Variants in CABP1 observed in about 807,000 individuals in gnomAD.
CABP1 encodes the protein calcium-binding protein 1.
CABP1 carries 17 observed loss-of-function variants against 34.3 expected under a neutral mutation model. The ratio of observed to expected loss-of-function variants is 0.50; its 90% CI spans 0.34 to 0.74. The LOEUF (loss-of-function observed/expected upper bound fraction) is 0.74, where lower values mean the gene tolerates loss of function less well. Among genes scored for constraint, CABP1 ranks in the 30% least tolerant of loss-of-function variants. CABP1 has a pLI of 0.01. For synonymous variants in CABP1, 198 were observed against 229.2 expected (o/e 0.86, Z 1.23); for missense variants, 373 against 511.1 (o/e 0.73, Z 2.61).
At chr12:120,672,922 C>T in the CABP1 span, among the ~76,000 whole-genome samples, 18 of 152,042 alleles carry the variant, frequency 1.2e-4, no homozygotes, top group Non-Finnish European at 1.5e-5. Context: ...CTCAGCTACT[C>T]AGGAGGCTGA....
At chr12:120,674,564 A>G in the CABP1 span, among the ~76,000 whole-genome samples, 1 of 152,130 alleles carries the variant, frequency 6.6e-6, no homozygotes, top group African/African-American at 2.4e-5. Flanking sequence ...TCTGAGTATC[A>G]TGATTGAGGG....
At chr12:120,646,106 G>C (rs772330048) in intron 1 of CABP1, among the ~76,000 whole-genome samples, 7 of 152,200 alleles carry the variant, frequency 4.6e-5, no homozygotes, top group East Asian at 1.9e-4. Flanking sequence ...TGGTCTGCCT[G>C]CCTCCGAAAA....
chr12:120,667,440 G>GT (rs1881077525), downstream of CABP1: 1 of 159,160 alleles, frequency 6.3e-6, no homozygotes, highest in Non-Finnish European at 1.4e-5. Context: ...TTTTTTGTTT[G>GT]TTTATTTATT....
Position 120,661,441 on chromosome 12 carries a change from TTTCCA to T in CABP1, c.1087+227_1087+231del. 1.9e-6 allele frequency: 1 copy of T among 521,592 alleles called. No homozygotes were observed. 32.3% of individuals were successfully genotyped at this position (521,592 alleles called of 1,614,324 possible). A position where few individuals can be genotyped will look rare whatever the true frequency, so the allele number is the denominator to read the frequency against. On this transcript the variant is annotated intron_variant, in intron 5 of 5. Coordinates refer to ENST00000316803, the MANE Select transcript of CABP1 (RefSeq NM_001033677.2). The surrounding 1 kb of genome is among the most constrained non-coding windows in gnomAD (Gnocchi z 5.1). ...TCCATCCATCTATCCATCCTCTACCTTTCCATTCATCTGTCCATTTATCCATCCAT... is the reference window on the plus strand; with the variant it reads ...TCCATCCATCTATCCATCCTCTACCTTTCATCTGTCCATTTATCCATCCAT...
At chr12:120,645,161 T>C (rs1244877657) in intron 1 of CABP1, among the ~76,000 whole-genome samples, 1 of 152,152 alleles carries the variant, frequency 6.6e-6, no homozygotes, top group African/African-American at 2.4e-5. Context: ...ATGGATTTAA[T>C]TGCACTAAGC....
At chr12:120,655,626 G>A (rs1880131443) in intron 1 of CABP1, 1 of 1,391,728 alleles carries the variant, frequency 7.2e-7, no homozygotes, top group African/African-American at 1.4e-5. Context: ...AGTAGGACAA[G>A]TCTGTTTGGG....
At chr12:120,655,520 G>C in intron 1 of CABP1, 1 of 1,160,704 alleles carries the variant, frequency 8.6e-7, no homozygotes, top group Non-Finnish European at 1.1e-6. Flanking sequence ...AATGGCACCT[G>C]CATGTGCAAC....
chr12:120,654,971 G>A (rs1880084142), intron 1 of CABP1, among the ~76,000 whole-genome samples: 1 of 152,234 alleles, frequency 6.6e-6, no homozygotes, highest in Non-Finnish European at 1.5e-5. Flanking sequence ...GAAGGCGGGA[G>A]GGAGGAAAAG....
downstream of CABP1, chr12:120,667,353 G>T (rs751834959): frequency 2.6e-4 from 50 of 195,590 alleles, no homozygotes; most frequent in Non-Finnish European, 4.8e-4. Context: ...TCCTCCTTGG[G>T]CCTGGTTAGA....
intron 1 of CABP1, chr12:120,659,136 C>T (rs1323251614): frequency 6.6e-6 from 1 of 152,210 alleles, no homozygotes; most frequent in African/African-American, 2.4e-5. Flanking sequence ...TGGCTCCAGC[C>T]AGAAGCACTG....
intron 1 of CABP1, chr12:120,650,379 T>C: frequency 1.0e-6 from 1 of 996,884 alleles, no homozygotes; most frequent in Non-Finnish European, 1.4e-6. Context: ...TTTCATCTCC[T>C]TAAGAAAGTG....
Position 120,641,485 on chromosome 12 carries a change from C to A in CABP1, c.654+146C>A. The A allele has an allele frequency of 2.2e-6, 2 of 889,318 alleles. No individual in the cohort carries two copies. Among genetic ancestry groups the A allele is most frequent in the Non-Finnish European group, 3.0e-6 (2 of 676,058 alleles). 55.1% of individuals were successfully genotyped at this position (889,318 alleles called of 1,614,324 possible). On this transcript the variant is annotated intron_variant, in intron 1 of 5. Transcript: ENST00000316803. The surrounding 1 kb of genome is among the most constrained non-coding windows in gnomAD (Gnocchi z 6.7). ...CACCTCGTCCTCCCCGGGCCGGCGC[C>A]CTTGCCGGCACTCCTCCTCCCCGTG...
chr12:120,642,483 C>T (rs192307765), intron 1 of CABP1, among the ~76,000 whole-genome samples: 26 of 152,306 alleles, frequency 1.7e-4, no homozygotes, highest in African/African-American at 5.5e-4. Context: ...TGAAGGCAGC[C>T]GCACATGGAT....
chr12:120,666,763 TG>T, intron 5 of CABP1, 111 bp from the exon 6 acceptor site: 1 of 1,183,554 alleles, frequency 8.4e-7, no homozygotes. Context: ...GCGGAATGGA[TG>T]GGGGACCAGC....
chr12:120,660,865 T>C lies in CABP1; in HGVS notation c.939+25T>C. 2 of 1,550,584 alleles carry C rather than the reference T, an allele frequency of 1.3e-6. No homozygotes were observed. Among genetic ancestry groups the C allele is most frequent in the Non-Finnish European group, 1.8e-6 (2 of 1,122,364 alleles). On this transcript the variant is annotated intron_variant, in intron 4 of 5. Transcript: ENST00000316803. This position sits in a 1 kb window ranked among gnomAD's most constrained non-coding sequence, Gnocchi z 5.0. ...GGTAACGGACAGAGGCAGGCAGGCA[T>C]GGGGCGGCTATTGGAATCCTATCTG...
the CABP1 span, among the ~76,000 whole-genome samples, chr12:120,673,618 C>T: frequency 6.6e-6 from 1 of 151,888 alleles, no homozygotes; most frequent in Admixed American, 6.6e-5. Flanking sequence ...TAAAAAAAAC[C>T]AAGTGCAGGT....
intron 1 of CABP1, among the ~76,000 whole-genome samples, chr12:120,652,703 A>G (rs920900223): frequency 6.6e-6 from 1 of 152,142 alleles, no homozygotes; most frequent in African/African-American, 2.4e-5. Flanking sequence ...CCCGCTCACC[A>G]GGCACTCCCT....
At chr12:120,671,032 T>A (rs898326493), downstream of CABP1, among the ~76,000 whole-genome samples, 1 of 152,056 alleles carries the variant, frequency 6.6e-6, no homozygotes, top group Non-Finnish European at 1.5e-5. Context: ...TGGAGGTACA[T>A]AAAAGGCACC....
chr12:120,669,423 G>A (rs574707536), downstream of CABP1, among the ~76,000 whole-genome samples: 6 of 152,306 alleles, frequency 3.9e-5, no homozygotes, highest in African/African-American at 1.2e-4. Context: ...GGCAACCTGC[G>A]GGAAGAGGGC....
Sources: allele counts gnomAD v4.1 joint callset (sites outside exome capture counted in the v4.1 genomes callset), GRCh38; gene constraint gnomAD v4.1.1; non-coding constraint Gnocchi (gnomAD v3.1); transcripts MANE v1.5; gene names NCBI Gene and HGNC (gene_info 2026-07-23, HGNC 2026-07-21).